The following ADGRV1 variants were observed in gnomAD, a reference collection of about 807,000 sequenced individuals.
ADGRV1 encodes the protein adhesion G protein-coupled receptor V1.
Under a neutral mutation model 596.2 loss-of-function variants are expected in ADGRV1, and 359 were observed. The ratio of observed to expected loss-of-function variants is 0.60; its 90% CI spans 0.55 to 0.66. The LOEUF is 0.66. Among genes scored for constraint, ADGRV1 ranks in the 30% least tolerant of loss-of-function variants. The pLI, the probability that ADGRV1 is intolerant of heterozygous loss-of-function variation, is 0.00. For synonymous variants in ADGRV1, 2,681 were observed against 2,679.2 expected (o/e 1.00, Z -0.02); for missense variants, 7,274 against 7,575.6 (o/e 0.96, Z 1.48).
chr5:90,565,022 G>A (rs1472943789), intron 1 of ADGRV1, among the ~76,000 whole-genome samples: 1 of 152,080 alleles, frequency 6.6e-6, no homozygotes, highest in Non-Finnish European at 1.5e-5. Flanking sequence ...GTCACCTGAG[G>A]TCAGGAGTTT....
At chr5:90,945,680 A>G (rs1364354632) in intron 83 of ADGRV1, among the ~76,000 whole-genome samples, 1 of 152,200 alleles carries the variant, frequency 6.6e-6, no homozygotes, top group Non-Finnish European at 1.5e-5. Context: ...TGCTGAAGTT[A>G]TCATAAAGAA....
chr5:91,028,525 TTC>T (rs1354039235), intron 85 of ADGRV1, among the ~76,000 whole-genome samples: 2 of 152,090 alleles, frequency 1.3e-5, no homozygotes, highest in African/African-American at 4.8e-5. Flanking sequence ...TAAGCATATT[TTC>T]TCAGTAATGA....
chr5:90,801,612 T>C (rs1761383180), intron 70 of ADGRV1, among the ~76,000 whole-genome samples: 2 of 152,056 alleles, frequency 1.3e-5, no homozygotes, highest in Non-Finnish European at 2.9e-5. Flanking sequence ...GTTACCCTCA[T>C]GTTGCCCAAT....
intron 82 of ADGRV1, among the ~76,000 whole-genome samples, chr5:90,860,265 C>T (rs1192621839): frequency 6.6e-6 from 1 of 152,046 alleles, no homozygotes; most frequent in Non-Finnish European, 1.5e-5. Context: ...AACTTTTATA[C>T]TGTAAAATGC....
chr5:90,930,145 C>A (rs2150798789), intron 83 of ADGRV1, among the ~76,000 whole-genome samples: 1 of 152,210 alleles, frequency 6.6e-6, no homozygotes, highest in Admixed American at 6.5e-5. Flanking sequence ...AAATACATTT[C>A]TTAACAGTAC....
At chr5:90,958,320 G>T (rs1241564012) in intron 83 of ADGRV1, among the ~76,000 whole-genome samples, 3 of 146,418 alleles carry the variant, frequency 2.0e-5, no homozygotes, top group South Asian at 4.3e-4. Flanking sequence ...AAAAGAAAAA[G>T]GGAAAAAGAA....
chr5:91,030,692 A>G (rs751929046), intron 85 of ADGRV1, among the ~76,000 whole-genome samples: 2 of 152,166 alleles, frequency 1.3e-5, no homozygotes, highest in Non-Finnish European at 2.9e-5. Flanking sequence ...AATCATCACT[A>G]TGTTGCACAG....
At chr5:90,662,646 A>T in intron 21 of ADGRV1, among the ~76,000 whole-genome samples, 1 of 150,600 alleles carries the variant, frequency 6.6e-6, no homozygotes. Context: ...GTTTTAGGGT[A>T]CATGAGCACA....
rs1007014797 is a variant in ADGRV1 at position 90,817,652 on chromosome 5, A to G, written c.16196+1916A>G. ...CATATGGCTAGCCAGTTTTCCCAGC[A>G]CCATTTGTTAAATAGGGAATCCTTT... On this transcript the variant is annotated intron_variant, in intron 75 of 89. Transcript: ENST00000405460. 3.9e-5 allele frequency among the ~76,000 whole-genome samples: 6 copies of G among 152,146 alleles called. 1 individual carries two copies. The highest frequency in any genetic ancestry group is 2.6e-4 in the Admixed American group (4 of 15,282).
chr5:90,676,318 A>G lies in ADGRV1; in HGVS notation c.5443+109A>G, dbSNP rs1316349674. The G allele has an allele frequency of 1.0e-5, 10 of 996,340 alleles. No individual in the cohort carries two copies. In the East Asian group the frequency reaches 2.9e-4, roughly 29 times the overall value. The allele number at this position is 996,340 out of a possible 1,614,324, so 61.7% of individuals were successfully genotyped here. A position where few individuals can be genotyped will look rare whatever the true frequency, so the allele number is the denominator to read the frequency against. On this transcript the variant is annotated intron_variant, in intron 25 of 89. Coordinates refer to ENST00000405460, the MANE Select transcript of ADGRV1 (RefSeq NM_032119.4). ...CTTTGAATTAATCTTACTTAAATAA[A>G]TGAATAAATTATTAGTTTTTGAAGA...
intron 85 of ADGRV1, among the ~76,000 whole-genome samples, chr5:91,006,150 T>A (rs1359963197): frequency 6.6e-6 from 1 of 152,150 alleles, no homozygotes; most frequent in Non-Finnish European, 1.5e-5. Context: ...TATCTAGGAT[T>A]TTTTAAAGTA....
chr5:90,758,967 G>T (rs1399391284), intron 57 of ADGRV1, among the ~76,000 whole-genome samples: 1 of 152,024 alleles, frequency 6.6e-6, no homozygotes, highest in East Asian at 1.9e-4. Context: ...TTTTATGTAA[G>T]TTTCATATCA....
intron 59 of ADGRV1, among the ~76,000 whole-genome samples, chr5:90,765,052 G>C: frequency 6.6e-6 from 1 of 152,090 alleles, no homozygotes; most frequent in Non-Finnish European, 1.5e-5. Context: ...GCTCCTTGGG[G>C]GTCAATCTCT....
At chr5:90,695,488 CAT>C (rs4019423) in intron 33 of ADGRV1, among the ~76,000 whole-genome samples, 5,207 of 152,100 alleles carry the variant, frequency 0.034, 171 homozygotes, top group African/African-American at 0.09. Flanking sequence ...TTTTAAAAAA[CAT>C]AGTGCTTTTC....
chr5:90,680,865 A>G (rs146098267), intron 26 of ADGRV1, among the ~76,000 whole-genome samples: 2 of 152,302 alleles, frequency 1.3e-5, no homozygotes, highest in African/African-American at 4.8e-5. Flanking sequence ...TCATCACATG[A>G]TGAAAAAATA....
At chr5:90,614,642 G>A (rs1391295386) in intron 1 of ADGRV1, 193 bp from the exon 2 acceptor site, 5 of 637,682 alleles carry the variant, frequency 7.8e-6, no homozygotes, top group Admixed American at 2.1e-5. Flanking sequence ...AAAGAGAACC[G>A]TAAGAATAGA....
intron 27 of ADGRV1, among the ~76,000 whole-genome samples, chr5:90,683,037 T>C (rs1411024640): frequency 6.6e-6 from 1 of 152,200 alleles, no homozygotes; most frequent in Non-Finnish European, 1.5e-5. Flanking sequence ...ATACCATTTT[T>C]GCAGTGAGTG....
At chr5:90,867,030 T>C (rs1252497321) in intron 83 of ADGRV1, among the ~76,000 whole-genome samples, 1 of 152,122 alleles carries the variant, frequency 6.6e-6, no homozygotes, top group Non-Finnish European at 1.5e-5. Context: ...AAACATCTAA[T>C]TATATCTTTG....
intron 74 of ADGRV1, among the ~76,000 whole-genome samples, chr5:90,812,603 G>T (rs183478651): frequency 7.4e-4 from 112 of 152,134 alleles, no homozygotes; most frequent in African/African-American, 2.7e-3. Context: ...CCTAGAGTTC[G>T]TATTTTATTT....
Sources: gnomAD v4.1 joint callset for allele counts (sites outside exome capture counted in the v4.1 genomes callset) on GRCh38, gnomAD v4.1.1 for gene constraint, MANE v1.5 for transcripts, NCBI Gene and HGNC (gene_info 2026-07-23, HGNC 2026-07-21) for gene names.